PTGIS: variants seen among roughly 807,000 people sequenced by gnomAD.
The protein encoded by PTGIS is prostaglandin I2 synthase, also known as prostacyclin synthase.
A neutral mutation model predicts 50.3 loss-of-function variants in PTGIS; 45 were observed. The ratio of observed to expected loss-of-function variants is 0.90; its 90% CI spans 0.70 to 1.15. PTGIS has a LOEUF of 1.15. Ranked by LOEUF, PTGIS falls within the 50% of genes most tolerant of loss-of-function variation. The probability of loss-of-function intolerance (pLI) is 0.00; values close to 1 mark genes in which losing one functional copy is unlikely to be tolerated. For synonymous variants in PTGIS, 260 were observed against 267.7 expected (o/e 0.97, Z 0.28); for missense variants, 668 against 661.3 (o/e 1.01, Z -0.11).
At chr20:49,521,849 A>G (rs1349319099) in intron 6 of PTGIS, among the ~76,000 whole-genome samples, 1 of 152,130 alleles carries the variant, frequency 6.6e-6, no homozygotes, top group Non-Finnish European at 1.5e-5. Flanking sequence ...ATGGAAGGCT[A>G]CCATCTTTCT....
rs1462615797 is a variant in PTGIS at position 49,523,994 on chromosome 20, C to T, written c.855+64G>A. The T allele has an allele frequency of 7.0e-6, 11 of 1,581,588 alleles. No homozygotes were observed. The South Asian group carries it at 1.2e-4, about 18-fold the overall frequency. ...ACAGGTGCACAGACATGCACACACA[C>T]ATGCGTTCATATCGCAACCACACAT... On this transcript the variant is annotated intron_variant, in intron 6 of 9. Coordinates refer to ENST00000244043, the MANE Select transcript of PTGIS (RefSeq NM_000961.4).
At position 49,515,158 on chromosome 20, in the gene PTGIS, T is replaced by C. The variant is rs549559804; in HGVS notation, c.856-763A>G. Among the ~76,000 whole-genome samples the C allele has an allele frequency of 3.3e-5, 5 of 152,382 alleles. No homozygotes were observed. In the South Asian group the frequency reaches 1.0e-3, roughly 32 times the overall value. ...CAAATATAATCATTCTTGATGTAGT[T>C]TGGGAAGCAAAAAGTTCCCTATATG... On this transcript the variant is annotated intron_variant, in intron 6 of 9. Transcript: ENST00000244043.
At chr20:49,560,970 G>A (rs1169767655) in intron 1 of PTGIS, among the ~76,000 whole-genome samples, 1 of 152,132 alleles carries the variant, frequency 6.6e-6, no homozygotes, top group Non-Finnish European at 1.5e-5. Flanking sequence ...AAAGACAAGA[G>A]GAAGGAAGGA....
Position 49,547,862 on chromosome 20 carries a change from T to A in PTGIS, c.356A>T (p.Asp119Val), listed in dbSNP as rs1313106490. The A allele has an allele frequency of 1.2e-6, 2 of 1,614,016 alleles. No individual in the cohort carries two copies. The highest frequency in any genetic ancestry group is 2.7e-5 in the African/African-American group (2 of 74,894). The change falls in exon 3 of 10, where the codon GAT becomes GTT. Residue 119 changes from aspartate to valine, a missense_variant. Asp to Val is a radical substitution (Grantham distance 152). Coordinates refer to ENST00000244043, the MANE Select transcript of PTGIS (RefSeq NM_000961.4). ...DVQLPHYSPS[D>V]EKARMKLTLL... is the part of the protein sequence containing the mutation. ...TCACAGTTTCATCCTGGCCTTTTCATCACTGGGGCTGTAATGTGGAAGCTG... is the reference window on the plus strand; with the variant it reads ...TCACAGTTTCATCCTGGCCTTTTCAACACTGGGGCTGTAATGTGGAAGCTG...
Position 49,507,835 on chromosome 20 carries a change from A to G in PTGIS, c.*85T>C. On this transcript the variant is annotated 3_prime_UTR_variant, in exon 10 of 10. Transcript: ENST00000244043. ...AATGCTAGCACCTGCACCCGGGCCAACTGTGCACACAGAAAGCTGGGAGGC... is the reference window on the plus strand; with the variant it reads ...AATGCTAGCACCTGCACCCGGGCCAGCTGTGCACACAGAAAGCTGGGAGGC... 2 of 1,579,484 alleles carry G rather than the reference A, an allele frequency of 1.3e-6. No individual in the cohort carries two copies. The highest frequency in any genetic ancestry group is 2.3e-5 in the East Asian group (1 of 44,410).
At chr20:49,536,227 A>G (rs991814226) in intron 5 of PTGIS, among the ~76,000 whole-genome samples, 1 of 152,216 alleles carries the variant, frequency 6.6e-6, no homozygotes, top group African/African-American at 2.4e-5. Flanking sequence ...GGCTTGGAAG[A>G]AGGGGTATTA....
intron 5 of PTGIS, among the ~76,000 whole-genome samples, chr20:49,529,843 T>C (rs1981888915): frequency 1.3e-5 from 2 of 152,208 alleles, no homozygotes; most frequent in African/African-American, 4.8e-5. Context: ...AATCTCTTAC[T>C]GTGCCTCATT....
intron 5 of PTGIS, among the ~76,000 whole-genome samples, chr20:49,529,587 C>T (rs921319723): frequency 2.0e-5 from 3 of 152,268 alleles, no homozygotes; most frequent in Non-Finnish European, 2.9e-5. Flanking sequence ...AGTTTGAAAT[C>T]GCACACCATT....
chr20:49,544,076 C>A (rs1982295690), intron 4 of PTGIS, among the ~76,000 whole-genome samples: 1 of 152,210 alleles, frequency 6.6e-6, no homozygotes, highest in Non-Finnish European at 1.5e-5. Context: ...CTCTGAATGA[C>A]CTGTAAGGTC....
At chr20:49,535,123 A>G (rs769232338) in intron 5 of PTGIS, among the ~76,000 whole-genome samples, 4 of 152,222 alleles carry the variant, frequency 2.6e-5, no homozygotes, top group Non-Finnish European at 5.9e-5. Context: ...AAGGCTGATA[A>G]CTGCATGTTG....
Position 49,539,700 on chromosome 20 carries a change from G to A in PTGIS, c.543C>T (p.Tyr181=), listed in dbSNP as rs201830617. 79 of 1,613,022 alleles carry A rather than the reference G, an allele frequency of 4.9e-5. No individual in the cohort carries two copies. The highest frequency in any genetic ancestry group is 1.6e-4 in the African/African-American group (12 of 75,066). The change falls in exon 5 of 10, where the codon TAC becomes TAT. Residue 181 remains tyrosine (Y), a synonymous_variant. Transcript: ENST00000244043. ...FLLRAGYLTL[Y]GIEALPRTHE... is the part of the protein sequence containing the mutation. ...GGGTGCGTGGCAGCGCCTCAATTCC[G>A]TAAAGAGTCAGGTAGCCGGCTCTGG...
chr20:49,553,294 T>C (rs566071139), intron 1 of PTGIS, among the ~76,000 whole-genome samples: 1 of 152,228 alleles, frequency 6.6e-6, no homozygotes, highest in Non-Finnish European at 1.5e-5. Context: ...TTTAATATTG[T>C]TCATTTAATG....
chr20:49,507,944 G>C lies in PTGIS; in HGVS notation c.1479C>G (p.Pro493=), dbSNP rs756114643. 6 of 1,613,000 alleles carry C rather than the reference G, an allele frequency of 3.7e-6. No individual in the cohort carries two copies. In the South Asian group the frequency reaches 5.5e-5, roughly 15 times the overall value. Residue 493 remains proline (P), a synonymous_variant, in exon 10 of 10, where the codon CCC becomes CCG. Coordinates refer to ENST00000244043, the MANE Select transcript of PTGIS (RefSeq NM_000961.4). ...GTCATGGGCGGATGCGGTAGCGGAC[G>C]GGCACGTCGTGTTCCGGCTGCATCA... is the stretch of plus-strand genomic sequence containing the variant. ...FGLMQPEHDV[P]VRYRIRP is the part of the protein sequence containing the mutation.
intron 6 of PTGIS, among the ~76,000 whole-genome samples, chr20:49,519,318 G>C (rs1981584078): frequency 6.6e-6 from 1 of 152,106 alleles, no homozygotes; most frequent in African/African-American, 2.4e-5. Flanking sequence ...ATGAGATGGT[G>C]GTTGCAAAGT....
rs117738895 is a variant in PTGIS, at chr20:49,512,130, T to A, written c.1206+950A>T. Among the ~76,000 whole-genome samples, 87 of 151,166 alleles carry A rather than the reference T, an allele frequency of 5.8e-4. 1 individual carries two copies. The East Asian group carries it at 0.014, about 25-fold the overall frequency. The stretch of plus-strand genomic sequence containing the variant: ...ATAGATGGATGGATTCATGGGTAGG[T>A]GGGTGGATGAAAGAGTAGCTTCATG... On this transcript the variant is annotated intron_variant, in intron 8 of 9. Coordinates refer to ENST00000244043, the MANE Select transcript of PTGIS (RefSeq NM_000961.4).
intron 3 of PTGIS, among the ~76,000 whole-genome samples, chr20:49,547,450 C>T: frequency 6.6e-6 from 1 of 152,128 alleles, no homozygotes; most frequent in East Asian, 1.9e-4. Flanking sequence ...ATCATTCCAC[C>T]TCTCTCCTTC....
intron 1 of PTGIS, among the ~76,000 whole-genome samples, chr20:49,567,338 C>T (rs966615524): frequency 3.9e-5 from 6 of 152,220 alleles, no homozygotes; most frequent in South Asian, 2.1e-4. Context: ...GAGGCTGTGA[C>T]ATCTGACCCT....
chr20:49,512,402 T>C (rs1473471865), intron 8 of PTGIS, among the ~76,000 whole-genome samples: 1 of 151,434 alleles, frequency 6.6e-6, no homozygotes, highest in Non-Finnish European at 1.5e-5. Context: ...AAAGGGTAAA[T>C]TGGTGGGTGG....
intron 1 of PTGIS, among the ~76,000 whole-genome samples, chr20:49,558,799 C>T (rs1016740711): frequency 6.6e-6 from 1 of 151,876 alleles, no homozygotes; most frequent in Non-Finnish European, 1.5e-5. Flanking sequence ...CTGCAACCTC[C>T]GCCTCCCAGG....
Sources: allele counts gnomAD v4.1 joint callset (sites outside exome capture counted in the v4.1 genomes callset), GRCh38; gene constraint gnomAD v4.1.1; transcripts MANE v1.5; gene names NCBI Gene and HGNC (gene_info 2026-07-23, HGNC 2026-07-21).